Variants in RAP1GDS1 observed in about 807,000 individuals in gnomAD.
RAP1GDS1 encodes the protein Rap1 GTPase-GDP dissociation stimulator 1, also known as RAP1, GTP-GDP dissociation stimulator 1.
A neutral mutation model predicts 71.1 loss-of-function variants in RAP1GDS1; 35 were observed. The ratio of observed to expected loss-of-function variants is 0.49; its 90% CI spans 0.38 to 0.65. RAP1GDS1 has a LOEUF of 0.65. Ranked by LOEUF, RAP1GDS1 falls within the 30% of genes least tolerant of loss-of-function variation. The pLI is 0.00. For synonymous variants in RAP1GDS1, 229 were observed against 243.1 expected (o/e 0.94, Z 0.54); for missense variants, 663 against 706.1 (o/e 0.94, Z 0.69).
intron 3 of RAP1GDS1, among the ~76,000 whole-genome samples, chr4:98,350,747 A>G (rs1737059187): frequency 6.6e-6 from 1 of 152,158 alleles, no homozygotes; most frequent in Admixed American, 6.5e-5. Context: ...CTGAGGCAGA[A>G]GAATCATTTG....
intron 1 of RAP1GDS1, among the ~76,000 whole-genome samples, chr4:98,290,135 A>G (rs190565835): frequency 2.1e-4 from 32 of 152,280 alleles, no homozygotes; most frequent in Admixed American, 2.0e-3. Context: ...ATATCTATCT[A>G]TATACCCATG....
intron 2 of RAP1GDS1, among the ~76,000 whole-genome samples, chr4:98,312,333 A>G (rs1353487798): frequency 6.6e-6 from 1 of 152,140 alleles, no homozygotes; most frequent in African/African-American, 2.4e-5. Context: ...CATAGCCCTA[A>G]GACTGGAAGA....
chr4:98,409,051 A>T (rs1233852889), intron 7 of RAP1GDS1, among the ~76,000 whole-genome samples: 1 of 152,166 alleles, frequency 6.6e-6, no homozygotes, highest in Non-Finnish European at 1.5e-5. Flanking sequence ...AAAGAAAAAA[A>T]ATTAAGATAA....
chr4:98,286,154 A>G (rs983663778), intron 1 of RAP1GDS1, among the ~76,000 whole-genome samples: 2 of 151,522 alleles, frequency 1.3e-5, no homozygotes, highest in Non-Finnish European at 2.9e-5. Flanking sequence ...GGCCCCATAT[A>G]TTCAGCTTGC....
chr4:98,351,309 T>G (rs1737153559), intron 3 of RAP1GDS1, among the ~76,000 whole-genome samples: 1 of 152,150 alleles, frequency 6.6e-6, no homozygotes, highest in Non-Finnish European at 1.5e-5. Flanking sequence ...AGGAATTAAT[T>G]CATTTATTTC....
intron 3 of RAP1GDS1, among the ~76,000 whole-genome samples, chr4:98,347,240 T>C (rs781285722): frequency 2.6e-5 from 4 of 152,160 alleles, no homozygotes; most frequent in Non-Finnish European, 5.9e-5. Context: ...AAGAAAATAA[T>C]TTTCATCACA....
chr4:98,293,900 CAG>C (rs767477123), intron 2 of RAP1GDS1, among the ~76,000 whole-genome samples: 6 of 152,008 alleles, frequency 3.9e-5, no homozygotes, highest in East Asian at 1.9e-4. Flanking sequence ...AGAGGAGAAA[CAG>C]AGGGGGAGCT....
chr4:98,280,948 T>C, intron 1 of RAP1GDS1, among the ~76,000 whole-genome samples: 1 of 152,168 alleles, frequency 6.6e-6, no homozygotes, highest in Non-Finnish European at 1.5e-5. Flanking sequence ...CTGAGGCCTC[T>C]GTTCTGTTCC....
At chr4:98,400,034 T>C (rs890475995) in intron 6 of RAP1GDS1, among the ~76,000 whole-genome samples, 3 of 151,994 alleles carry the variant, frequency 2.0e-5, no homozygotes, top group Non-Finnish European at 4.4e-5. Context: ...AGGTGTATAG[T>C]CCCAGCTACC....
intron 1 of RAP1GDS1, among the ~76,000 whole-genome samples, chr4:98,262,548 G>A (rs922512012): frequency 2.1e-4 from 32 of 152,160 alleles, no homozygotes; most frequent in African/African-American, 7.2e-4. Context: ...GTAATTAAGA[G>A]CTCAAAGTTT....
intron 4 of RAP1GDS1, among the ~76,000 whole-genome samples, chr4:98,354,351 C>T (rs1170503552): frequency 2.6e-5 from 4 of 152,148 alleles, no homozygotes; most frequent in South Asian, 2.1e-4. Context: ...CGTGAGCCAC[C>T]GCGCCCAGCC....
At chr4:98,283,149 T>C (rs1417866157) in intron 1 of RAP1GDS1, among the ~76,000 whole-genome samples, 1 of 152,210 alleles carries the variant, frequency 6.6e-6, no homozygotes, top group Non-Finnish European at 1.5e-5. Flanking sequence ...AGTAACTTCA[T>C]GAAAGATGAA....
intron 2 of RAP1GDS1, among the ~76,000 whole-genome samples, chr4:98,323,231 G>C (rs1013954211): frequency 6.8e-6 from 1 of 146,948 alleles, no homozygotes; most frequent in African/African-American, 2.6e-5. Flanking sequence ...GGAAGAAGTT[G>C]AATCTCTGAA....
At chr4:98,397,530 A>G (rs929101297) in intron 6 of RAP1GDS1, among the ~76,000 whole-genome samples, 2 of 152,180 alleles carry the variant, frequency 1.3e-5, no homozygotes, top group Admixed American at 1.3e-4. Flanking sequence ...GGAATAAAAA[A>G]GAAAAGCAGG....
rs866260846 is a variant in RAP1GDS1 at position 98,368,318 on chromosome 4, A to C, written c.362-10699A>C. Among the ~76,000 whole-genome samples the C allele has an allele frequency of 3.9e-5, 6 of 152,266 alleles. No homozygotes were observed. The Middle Eastern group carries it at 0.01, about 259-fold the overall frequency. On this transcript the variant is annotated intron_variant, in intron 4 of 14. Transcript: ENST00000408927. ...AACCTCTTCCTTTTGTAAATTGCCT[A>C]GTCTTGTGTATGTCTTTATCAGCAG...
rs751482324 is a variant in RAP1GDS1, at chr4:98,437,011, A to C, written c.1639A>C (p.Ser547Arg). Reference protein sequence around the residue: ...ILHRLLADERSAPEIKYNSMV... With the variant: ...ILHRLLADERRAPEIKYNSMV... ...ACATAGACTGCTAGCAGATGAGAGA[A>C]GTGCTCCTGAAATCAAATATAATTC... The change falls in exon 14 of 15, where the codon AGT (serine) becomes CGT (arginine). Residue 547 changes from serine (S) to arginine (R), a missense_variant. By Grantham distance (110) the Ser-to-Arg change is moderately radical. Coordinates refer to ENST00000408927, the MANE Select transcript of RAP1GDS1 (RefSeq NM_001100427.2). 6.2e-7 allele frequency: 1 copy of C among 1,612,860 alleles called. No homozygotes were observed. Among genetic ancestry groups the C allele is most frequent in the African/African-American group, 1.3e-5 (1 of 75,016 alleles).
chr4:98,431,452 T>A (rs1459289548), intron 12 of RAP1GDS1, among the ~76,000 whole-genome samples: 1 of 152,248 alleles, frequency 6.6e-6, no homozygotes, highest in Non-Finnish European at 1.5e-5. Flanking sequence ...ATGAAATTGT[T>A]AGCATGGATA....
intron 5 of RAP1GDS1, among the ~76,000 whole-genome samples, chr4:98,391,188 C>G (rs556974532): frequency 2.6e-5 from 4 of 151,948 alleles, no homozygotes; most frequent in Admixed American, 6.5e-5. Flanking sequence ...CATGAAGAAC[C>G]CTTGTGGAAA....
chr4:98,435,233 C>A (rs937489887), intron 13 of RAP1GDS1, among the ~76,000 whole-genome samples: 2 of 152,158 alleles, frequency 1.3e-5, no homozygotes, highest in African/African-American at 4.8e-5. Context: ...CCCTCCAACC[C>A]CAGTTCCAGG....
Sources: gnomAD v4.1 joint callset for allele counts (sites outside exome capture counted in the v4.1 genomes callset) on GRCh38, gnomAD v4.1.1 for gene constraint, MANE v1.5 for transcripts, NCBI Gene and HGNC (gene_info 2026-07-23, HGNC 2026-07-21) for gene names.